COG5: variants seen among roughly 807,000 people sequenced by gnomAD.
The protein encoded by COG5 is component of oligomeric golgi complex 5.
COG5 carries 86 observed loss-of-function variants against 110.4 expected under a neutral mutation model. The observed-to-expected ratio is 0.78, with a 90% confidence interval of 0.65 to 0.93. The LOEUF (loss-of-function observed/expected upper bound fraction) is 0.93, where lower values mean the gene tolerates loss of function less well. Among genes scored for constraint, COG5 ranks in the 40% least tolerant of loss-of-function variants. The pLI, the probability that COG5 is intolerant of heterozygous loss-of-function variation, is 0.00. For missense variants in COG5, 1,077 were observed against 987.0 expected, an observed-to-expected ratio of 1.09 and a Z score of -1.22; for synonymous variants, 360 against 334.6, an observed-to-expected ratio of 1.08 and a Z score of -0.83.
At chr7:107,282,023 A>G (rs1414258252) in intron 13 of COG5, among the ~76,000 whole-genome samples, 3 of 149,174 alleles carry the variant, frequency 2.0e-5, no homozygotes, top group African/African-American at 7.3e-5. Flanking sequence ...AAAAAAAAAA[A>G]GTATTTTACG....
intron 16 of COG5, among the ~76,000 whole-genome samples, chr7:107,253,458 G>A (rs1316182780): frequency 6.6e-6 from 1 of 152,064 alleles, no homozygotes. Context: ...CACAAAAAGG[G>A]AGAAAGAAGC....
intron 5 of COG5, among the ~76,000 whole-genome samples, chr7:107,546,413 A>G (rs910114138): frequency 6.7e-6 from 1 of 150,246 alleles, no homozygotes; most frequent in African/African-American, 2.4e-5. Flanking sequence ...TAATAAAACC[A>G]AGAGTTGTGT....
At chr7:107,329,987 T>C (rs557880358) in intron 10 of COG5, among the ~76,000 whole-genome samples, 1 of 152,332 alleles carries the variant, frequency 6.6e-6, no homozygotes, top group Non-Finnish European at 1.5e-5. Context: ...TAAAAATCAC[T>C]GTGCTTGTTT....
chr7:107,402,213 A>G (rs1791486419), intron 7 of COG5, among the ~76,000 whole-genome samples: 1 of 152,170 alleles, frequency 6.6e-6, no homozygotes, highest in Non-Finnish European at 1.5e-5. Context: ...CCAGGACCCT[A>G]GGCTTGACCA....
chr7:107,531,794 G>A lies in COG5; in HGVS notation c.418-4437C>T, dbSNP rs529163315. On this transcript the variant is annotated intron_variant, in intron 5 of 21. Transcript: ENST00000297135. ...CATTTCGGCCAGCAGAAGCCTCTGA[G>A]AGTGATTAACTGTACCACTTTGCCT... is the stretch of plus-strand genomic sequence containing the variant. Among the ~76,000 whole-genome samples the A allele has an allele frequency of 1.9e-3, 284 of 151,952 alleles. 2 individuals carry two copies. Among genetic ancestry groups the A allele is most frequent in the African/African-American group, 6.6e-3 (275 of 41,452 alleles).
intron 6 of COG5, among the ~76,000 whole-genome samples, chr7:107,466,816 A>G (rs1489795541): frequency 6.6e-6 from 1 of 152,236 alleles, no homozygotes; most frequent in Non-Finnish European, 1.5e-5. Context: ...TTGTCGCAAT[A>G]CAGCTTAAAA....
intron 7 of COG5, among the ~76,000 whole-genome samples, chr7:107,404,542 T>C (rs768227448): frequency 7.2e-5 from 11 of 151,924 alleles, no homozygotes; most frequent in Non-Finnish European, 1.3e-4. Context: ...ATTCCAGGCA[T>C]AAAAAGAGTA....
chr7:107,526,297 A>G (rs1344283995), intron 6 of COG5, among the ~76,000 whole-genome samples: 4 of 152,204 alleles, frequency 2.6e-5, no homozygotes, highest in African/African-American at 9.6e-5. Context: ...GAAAAGAAGA[A>G]AACCACCAAG....
rs146351371 is a variant in COG5, at chr7:107,393,655, A to G, written c.669+18847T>C. Among the ~76,000 whole-genome samples the G allele has an allele frequency of 2.2e-3, 334 of 152,286 alleles. 1 individual carries two copies. Among genetic ancestry groups the G allele is most frequent in the Non-Finnish European group, 4.1e-3 (281 of 68,028 alleles). ...CAACAGGTCATCCTGTCAACCCATG[A>G]CTTTACACGATCTCCAGATGTACCC... On this transcript the variant is annotated intron_variant, in intron 7 of 21. Transcript: ENST00000297135.
chr7:107,491,495 G>A (rs1797972076), intron 6 of COG5, among the ~76,000 whole-genome samples: 1 of 152,124 alleles, frequency 6.6e-6, no homozygotes, highest in African/African-American at 2.4e-5. Flanking sequence ...CCAGGTGAAG[G>A]CTCGTACCCT....
At chr7:107,214,907 C>T (rs1053078451) in intron 19 of COG5, among the ~76,000 whole-genome samples, 28 of 144,480 alleles carry the variant, frequency 1.9e-4, no homozygotes, top group Admixed American at 1.6e-3. Flanking sequence ...GGTGATAGAG[C>T]GAGACTCTGT....
intron 6 of COG5, among the ~76,000 whole-genome samples, chr7:107,457,438 G>GT (rs1418792092): frequency 2.0e-5 from 3 of 150,476 alleles, no homozygotes; most frequent in Non-Finnish European, 3.0e-5. Flanking sequence ...TTGTTTCTTT[G>GT]TTTTTTTGAG....
At chr7:107,444,508 C>T (rs1214279599) in intron 6 of COG5, among the ~76,000 whole-genome samples, 1 of 152,166 alleles carries the variant, frequency 6.6e-6, no homozygotes, top group Non-Finnish European at 1.5e-5. Flanking sequence ...CAGAATTATA[C>T]CTGTTCTTTC....
At chr7:107,491,874 C>CT in intron 6 of COG5, among the ~76,000 whole-genome samples, 1 of 152,156 alleles carries the variant, frequency 6.6e-6, no homozygotes, top group East Asian at 1.9e-4. Context: ...CAGACTCACC[C>CT]TGCCCCTGTA....
At chr7:107,257,622 G>C (rs980221931) in intron 15 of COG5, among the ~76,000 whole-genome samples, 1 of 152,008 alleles carries the variant, frequency 6.6e-6, no homozygotes, top group African/African-American at 2.4e-5. Context: ...ATGACCTATA[G>C]AGAATAATTA....
chr7:107,416,965 C>A (rs915858020), intron 6 of COG5, among the ~76,000 whole-genome samples: 8 of 152,066 alleles, frequency 5.3e-5, no homozygotes, highest in Admixed American at 6.5e-5. Context: ...CAGAGGCAAC[C>A]ACTGGCCAGT....
intron 19 of COG5, among the ~76,000 whole-genome samples, chr7:107,220,856 C>T (rs1050253920): frequency 1.9e-4 from 26 of 133,402 alleles, no homozygotes; most frequent in Non-Finnish European, 3.2e-4. Context: ...CTCGCTTTGT[C>T]GCCCAGGCTG....
intron 11 of COG5, among the ~76,000 whole-genome samples, chr7:107,313,187 C>A (rs968476470): frequency 1.3e-5 from 2 of 152,252 alleles, no homozygotes; most frequent in Non-Finnish European, 1.5e-5. Context: ...TATTTCAGGA[C>A]AAAGACTCTC....
chr7:107,301,608 G>A (rs968523852), intron 11 of COG5, among the ~76,000 whole-genome samples: 1 of 151,968 alleles, frequency 6.6e-6, no homozygotes, highest in African/African-American at 2.4e-5. Flanking sequence ...ACAGTGGCTT[G>A]TGTAGTGAAT....
Sources: allele counts gnomAD v4.1 joint callset (sites outside exome capture counted in the v4.1 genomes callset), GRCh38; gene constraint gnomAD v4.1.1; transcripts MANE v1.5; gene names NCBI Gene and HGNC (gene_info 2026-07-23, HGNC 2026-07-21).